The following GABRG3 variants were observed in gnomAD, a reference collection of about 807,000 sequenced individuals.
GABRG3 encodes gamma-aminobutyric acid type A receptor subunit gamma3, also known as gamma-aminobutyric acid receptor subunit gamma-3.
Under a neutral mutation model 48.8 loss-of-function variants are expected in GABRG3, and 25 were observed. That is an observed-to-expected ratio of 0.51 (90% CI 0.37 to 0.72). The LOEUF is 0.72. Among genes scored for constraint, GABRG3 ranks in the 30% least tolerant of loss-of-function variants. GABRG3 has a pLI of 0.00. For missense variants in GABRG3, 394 were observed against 577.9 expected (o/e 0.68, Z 3.26); for synonymous variants, 227 against 217.6 (o/e 1.04, Z -0.38).
chr15:27,374,138 C>CTTTTTTTTTTTTTT (rs201839822), intron 5 of GABRG3, among the ~76,000 whole-genome samples: 738 of 91,310 alleles, frequency 8.1e-3, no homozygotes, highest in Non-Finnish European at 0.011. Context: ...TTCTTTTCTT[C>CTTTTTTTTTTTTTT]TTTTTTTTTT....
At chr15:27,303,868 A>G (rs899771969) in intron 3 of GABRG3, among the ~76,000 whole-genome samples, 6 of 151,630 alleles carry the variant, frequency 4.0e-5, no homozygotes, top group Non-Finnish European at 8.9e-5. Context: ...GATTCCAGCA[A>G]TATATAAAAA....
At chr15:27,101,009 C>G (rs897483052) in intron 3 of GABRG3, among the ~76,000 whole-genome samples, 1 of 152,050 alleles carries the variant, frequency 6.6e-6, no homozygotes, top group Non-Finnish European at 1.5e-5. Flanking sequence ...AGTAGATTGG[C>G]AAGAGTAAAA....
chr15:27,378,920 C>T (rs998708133), intron 5 of GABRG3, among the ~76,000 whole-genome samples: 3 of 148,580 alleles, frequency 2.0e-5, no homozygotes, highest in Non-Finnish European at 3.0e-5. Flanking sequence ...ATGCCCTCAG[C>T]GGAAAGAACA....
intron 3 of GABRG3, among the ~76,000 whole-genome samples, chr15:27,276,602 T>G (rs188009882): frequency 6.6e-6 from 1 of 152,248 alleles, no homozygotes; most frequent in East Asian, 1.9e-4. Context: ...GCCGAGTTAC[T>G]AAGAGAGTTG....
intron 3 of GABRG3, among the ~76,000 whole-genome samples, chr15:27,082,809 C>A (rs1433367355): frequency 2.0e-5 from 3 of 152,186 alleles, no homozygotes; most frequent in Admixed American, 6.5e-5. Context: ...GAAGACCAGC[C>A]AGGACAGCAG....
chr15:27,274,006 A>G (rs2140475439), intron 3 of GABRG3, among the ~76,000 whole-genome samples: 1 of 152,296 alleles, frequency 6.6e-6, no homozygotes, highest in African/African-American at 2.4e-5. Context: ...AAGCTTGCGC[A>G]TGTGGTTGTT....
At position 27,000,422 on chromosome 15, in the gene GABRG3, T is replaced by G. The variant is rs540278130; in HGVS notation, c.202+23272T>G. ...ACTGAGTCAAGATTTTCCTGAGTAC[T>G]CTACCCAAAGCTGGTATGCCTTGGT... On this transcript the variant is annotated intron_variant, in intron 2 of 9. Transcript: ENST00000615808. Among the ~76,000 whole-genome samples the G allele has an allele frequency of 2.8e-4, 43 of 152,306 alleles. No homozygotes were observed. In the Middle Eastern group the frequency reaches 0.01, roughly 36 times the overall value.
At chr15:27,063,379 G>T (rs1265489214) in intron 3 of GABRG3, among the ~76,000 whole-genome samples, 3 of 152,236 alleles carry the variant, frequency 2.0e-5, no homozygotes, top group Non-Finnish European at 4.4e-5. Flanking sequence ...CAGTCTCTGA[G>T]GTGGGGCCTG....
At chr15:27,381,331 C>T (rs1313736366) in intron 5 of GABRG3, among the ~76,000 whole-genome samples, 5 of 152,138 alleles carry the variant, frequency 3.3e-5, no homozygotes, top group Non-Finnish European at 5.9e-5. Flanking sequence ...TTTCTTATTC[C>T]CTCCTCCTTC....
At chr15:27,107,097 T>G (rs1468613112) in intron 3 of GABRG3, among the ~76,000 whole-genome samples, 1 of 152,090 alleles carries the variant, frequency 6.6e-6, no homozygotes, top group Non-Finnish European at 1.5e-5. Flanking sequence ...TTCTTAGTCT[T>G]AGGAGAAAAG....
intron 5 of GABRG3, among the ~76,000 whole-genome samples, chr15:27,388,034 AG>A (rs1896004682): frequency 1.9e-5 from 2 of 105,798 alleles, no homozygotes; most frequent in African/African-American, 3.9e-5. Flanking sequence ...GAGGGAGGAA[AG>A]GAAGGAAGGA....
intron 3 of GABRG3, among the ~76,000 whole-genome samples, chr15:27,242,539 A>G (rs563135528): frequency 5.9e-5 from 9 of 152,234 alleles, no homozygotes; most frequent in Non-Finnish European, 1.3e-4. Context: ...AATGAGCTTG[A>G]CATCTCATTT....
chr15:27,421,081 A>G (rs1051348313), intron 5 of GABRG3, among the ~76,000 whole-genome samples: 1 of 152,200 alleles, frequency 6.6e-6, no homozygotes, highest in Non-Finnish European at 1.5e-5. Flanking sequence ...CGTGAAGGGC[A>G]CACACTGCAT....
chr15:27,357,053 T>A (rs1894865615), intron 5 of GABRG3, among the ~76,000 whole-genome samples: 1 of 152,188 alleles, frequency 6.6e-6, no homozygotes, highest in Admixed American at 6.5e-5. Context: ...AGTAGGAAGT[T>A]TAATTAGACC....
intron 2 of GABRG3, among the ~76,000 whole-genome samples, chr15:27,019,385 C>T (rs895788007): frequency 6.6e-6 from 1 of 152,020 alleles, no homozygotes; most frequent in African/African-American, 2.4e-5. Flanking sequence ...TCTCTTGAAG[C>T]CTCACTACCA....
At chr15:27,063,293 C>T (rs1249954192) in intron 3 of GABRG3, among the ~76,000 whole-genome samples, 7 of 152,188 alleles carry the variant, frequency 4.6e-5, no homozygotes, top group Non-Finnish European at 1.0e-4. Flanking sequence ...CTGCAGGTGT[C>T]TTTGGCAAAC....
chr15:27,394,168 T>C (rs1395979507), intron 5 of GABRG3, among the ~76,000 whole-genome samples: 2 of 152,188 alleles, frequency 1.3e-5, no homozygotes, highest in African/African-American at 4.8e-5. Context: ...TTTGTTCCTC[T>C]CACTGCCTTC....
intron 3 of GABRG3, among the ~76,000 whole-genome samples, chr15:27,198,722 G>A (rs1478821793): frequency 1.3e-5 from 2 of 152,070 alleles, no homozygotes; most frequent in Non-Finnish European, 2.9e-5. Flanking sequence ...CACTATTCAC[G>A]ATAGCAAAGA....
At chr15:27,038,163 A>G (rs898557347) in intron 3 of GABRG3, among the ~76,000 whole-genome samples, 1 of 151,840 alleles carries the variant, frequency 6.6e-6, no homozygotes, top group Non-Finnish European at 1.5e-5. Flanking sequence ...TAGTTTACAT[A>G]CTGCAGACAT....
Sources: allele counts gnomAD v4.1 joint callset (sites outside exome capture counted in the v4.1 genomes callset), GRCh38; gene constraint gnomAD v4.1.1; transcripts MANE v1.5; gene names NCBI Gene and HGNC (gene_info 2026-07-23, HGNC 2026-07-21).